Variants in ERF observed in about 807,000 individuals in gnomAD.
The protein encoded by ERF is ETS2 repressor factor.
Under a neutral mutation model 41.6 loss-of-function variants are expected in ERF, and 10 were observed. That is an observed-to-expected ratio of 0.24 (90% CI 0.15 to 0.41). ERF has a LOEUF of 0.41. Ranked by LOEUF, ERF falls within the 10% of genes least tolerant of loss-of-function variation. ERF has a pLI of 1.00. For synonymous variants in ERF, 395 were observed against 342.4 expected (o/e 1.15, Z -1.70); for missense variants, 621 against 763.2 (o/e 0.81, Z 2.19).
Position 42,248,312 on chromosome 19 carries a change from A to AT in ERF, c.*152_*153insA. 1.5e-6 allele frequency: 1 copy of AT among 654,182 alleles called. No individual in the cohort carries two copies. The highest frequency in any genetic ancestry group is 2.2e-6 in the Non-Finnish European group (1 of 457,954). 40.5% of individuals were successfully genotyped at this position (654,182 alleles called of 1,614,324 possible). A position where few individuals can be genotyped will look rare whatever the true frequency, so the allele number is the denominator to read the frequency against. On this transcript the variant is annotated 3_prime_UTR_variant, in exon 4 of 4. Transcript: ENST00000222329. This position sits in a 1 kb window ranked among gnomAD's most constrained non-coding sequence, Gnocchi z 4.2. ...CCCACCCCCACCATTTTTAAAAAAA[A>AT]GAAATTAAAGTTTTATACAAAATGT...
intron 1 of ERF, chr19:42,251,245 G>A: frequency 2.0e-6 from 2 of 985,982 alleles, no homozygotes; most frequent in Non-Finnish European, 2.4e-6. Flanking sequence ...CCAGACCCAG[G>A]CATCCAGGCC....
At chr19:42,252,348 A>G (rs1046367445) in intron 1 of ERF, among the ~76,000 whole-genome samples, 1 of 152,230 alleles carries the variant, frequency 6.6e-6, no homozygotes, top group African/African-American at 2.4e-5. Context: ...CCCTCCCCCC[A>G]AAATTAAAGC....
At chr19:42,253,122 A>AC (rs980051210) in intron 1 of ERF, among the ~76,000 whole-genome samples, 39 of 151,876 alleles carry the variant, frequency 2.6e-4, no homozygotes, top group Admixed American at 1.5e-3. Context: ...ACTCCTGGGC[A>AC]CCCCCCAACC....
chr19:42,253,886 CG>C lies in ERF; in HGVS notation c.22+1091del. On this transcript the variant is annotated intron_variant, in intron 1 of 3. Transcript: ENST00000222329. Reference sequence around the variant, plus strand: ...CCGCCGCCGCCGCCGCCGCCGCCGCCGGGGGAAGGAAACAAGTTTGAACAGC... The same window carrying C: ...CCGCCGCCGCCGCCGCCGCCGCCGCCGGGGAAGGAAACAAGTTTGAACAGC... 6 of 1,082,702 alleles carry C rather than the reference CG, an allele frequency of 5.5e-6. No homozygotes were observed. In the South Asian group the frequency reaches 1.1e-4, roughly 21 times the overall value. 67.1% of individuals were successfully genotyped at this position (1,082,702 alleles called of 1,614,324 possible).
rs754586626 is a variant in ERF, at chr19:42,249,414, C to T, written c.698G>A (p.Arg233Gln). The T allele has an allele frequency of 1.0e-5, 16 of 1,584,042 alleles. No homozygotes were observed. The highest frequency in any genetic ancestry group is 2.3e-5 in the South Asian group (2 of 87,690). The change falls in exon 4 of 4, where the codon CGA becomes CAA. Residue 233 changes from arginine (R) to glutamine (Q), a missense_variant. Physicochemically the swap from Arg to Gln is conservative, Grantham distance 43. Coordinates refer to ENST00000222329, the MANE Select transcript of ERF (RefSeq NM_006494.4). The surrounding 1 kb of genome is among the most constrained non-coding windows in gnomAD (Gnocchi z 8.6). Reference protein sequence around the residue: ...ARLPHDPGVFRVYPRPRGGPE... With the variant: ...ARLPHDPGVFQVYPRPRGGPE... Reference sequence around the variant, plus strand: ...GCCACCCCGAGGCCGGGGATAGACTCGGAAGACACCAGGGTCATGGGGCAG... The same window carrying T: ...GCCACCCCGAGGCCGGGGATAGACTTGGAAGACACCAGGGTCATGGGGCAG...
Position 42,255,055 on chromosome 19 carries a change from C to A in ERF, c.-56G>T. 7.6e-7 allele frequency: 1 copy of A among 1,323,642 alleles called. No homozygotes were observed. Among genetic ancestry groups the A allele is most frequent in the Non-Finnish European group, 9.6e-7 (1 of 1,036,452 alleles). The allele number at this position is 1,323,642 out of a possible 1,614,324, so 82.0% of individuals were successfully genotyped here. ...TCCGGGCCGCGGCTCCCGGCGCCCTCGCTGCCCCGTCCCGTCCCGCGCCCG... is the reference window on the plus strand; with the variant it reads ...TCCGGGCCGCGGCTCCCGGCGCCCTAGCTGCCCCGTCCCGTCCCGCGCCCG... On this transcript the variant is annotated 5_prime_UTR_variant, in exon 1 of 4. Coordinates refer to ENST00000222329, the MANE Select transcript of ERF (RefSeq NM_006494.4).
chr19:42,250,533 C>G lies in ERF; in HGVS notation c.55G>C (p.Glu19Gln). The G allele has an allele frequency of 1.2e-6, 2 of 1,613,588 alleles. No individual in the cohort carries two copies. Among genetic ancestry groups the G allele is most frequent in the Non-Finnish European group, 1.7e-6 (2 of 1,180,012 alleles). ...FAFPDWAYKP[E>Q]SSPGSRQIQL... ...ATCTGCCTTGAGCCAGGGGACGACT[C>G]TGGCTTGTAGGCCCAATCCGGGAAG... The change falls in exon 2 of 4, where the codon GAG becomes CAG. Residue 19 changes from glutamate (E) to glutamine (Q), a missense_variant. Physicochemically the swap from Glu to Gln is conservative, Grantham distance 29. Around this residue, in one of 3 missense-constraint regions of ERF, gnomAD observed 34 missense variants for 56.8 expected, o/e 0.60. Coordinates refer to ENST00000222329, the MANE Select transcript of ERF (RefSeq NM_006494.4). The surrounding 1 kb of genome is among the most constrained non-coding windows in gnomAD (Gnocchi z 5.1).
At chr19:42,251,147 C>A in intron 1 of ERF, 3 of 911,850 alleles carry the variant, frequency 3.3e-6, no homozygotes, top group Non-Finnish European at 3.9e-6. Flanking sequence ...CTTGCACACA[C>A]AGAGGCTTCT....
At chr19:42,251,419 G>A (rs961842140) in intron 1 of ERF, 2 of 884,864 alleles carry the variant, frequency 2.3e-6, no homozygotes, top group African/African-American at 4.1e-5. Flanking sequence ...GGGCTGGCTG[G>A]TCTCTGGAGG....
At chr19:42,253,885 CCGG>C in intron 1 of ERF, 1 of 1,083,154 alleles carries the variant, frequency 9.2e-7, no homozygotes, top group Non-Finnish European at 1.1e-6. Flanking sequence ...GCCGCCGCCG[CCGG>C]GGGAAGGAAA....
chr19:42,251,485 T>C, intron 1 of ERF: 1 of 543,388 alleles, frequency 1.8e-6, no homozygotes, highest in Non-Finnish European at 2.3e-6. Context: ...TTGTTGTCAT[T>C]TCCCAACAAC....
In ERF at chr19:42,249,977, T is replaced by A. The variant is rs1468125010; in HGVS notation, c.258-35A>T. ...CAGAAATGCCATTGGGAAGGTCAGGTACGTGGGACCCAGGTCTAGACTCCA... is the reference window on the plus strand; with the variant it reads ...CAGAAATGCCATTGGGAAGGTCAGGAACGTGGGACCCAGGTCTAGACTCCA... On this transcript the variant is annotated intron_variant, in intron 2 of 3. Transcript: ENST00000222329. The surrounding 1 kb of genome is among the most constrained non-coding windows in gnomAD (Gnocchi z 8.6). 2.5e-6 allele frequency: 4 copies of A among 1,593,850 alleles called. No homozygotes were observed. In the South Asian group the frequency reaches 4.4e-5, roughly 18 times the overall value.
chr19:42,253,864 C>G (rs954290968), intron 1 of ERF: 214 of 1,066,940 alleles, frequency 2.0e-4, no homozygotes, highest in Non-Finnish European at 2.4e-4. Flanking sequence ...GCCCGAGCCG[C>G]CGCCGCCGCC....
chr19:42,252,727 TG>T (rs112535098), intron 1 of ERF, among the ~76,000 whole-genome samples: 38 of 145,926 alleles, frequency 2.6e-4, no homozygotes, highest in South Asian at 1.8e-3. Context: ...TTCCCGGCTT[TG>T]GGGGGGGGAG....
At chr19:42,252,861 A>G (rs1457474173) in intron 1 of ERF, among the ~76,000 whole-genome samples, 1 of 152,150 alleles carries the variant, frequency 6.6e-6, no homozygotes, top group East Asian at 1.9e-4. Context: ...CCACGTGCTT[A>G]AAACAGGGAA....
intron 1 of ERF, among the ~76,000 whole-genome samples, chr19:42,253,664 C>T (rs998474418): frequency 6.6e-6 from 1 of 151,994 alleles, no homozygotes; most frequent in Non-Finnish European, 1.5e-5. Flanking sequence ...CTCCGCACCC[C>T]GGCCCCACCC....
intron 1 of ERF, chr19:42,251,298 G>A (rs2036441347): frequency 1.0e-6 from 1 of 986,148 alleles, no homozygotes; most frequent in African/African-American, 1.7e-5. Flanking sequence ...AGCTTGAGCA[G>A]GCACCCTGGA....
intron 1 of ERF, chr19:42,253,795 A>ATGGGG (rs1259946156): frequency 1.6e-5 from 12 of 761,332 alleles, no homozygotes; most frequent in South Asian, 5.8e-5. Context: ...TGGGGTGGGA[A>ATGGGG]TGGGGTGGGG....
rs76105803 is a variant in ERF at position 42,249,008 on chromosome 19, A to G, written c.1104T>C (p.Ser368=). The part of the protein sequence containing the change: ...PPVPSSASSS[S]SSSSSPFKFK... Reference sequence around the variant, plus strand: ...ACTTGAATGGGGAGGAAGAAGAAGAAGAGGATGACGAGGCCGAGGAGGGGA... The same window carrying G: ...ACTTGAATGGGGAGGAAGAAGAAGAGGAGGATGACGAGGCCGAGGAGGGGA... Residue 368 remains serine, a synonymous_variant, in exon 4 of 4, where the codon TCT becomes TCC. Transcript: ENST00000222329. This position sits in a 1 kb window ranked among gnomAD's most constrained non-coding sequence, Gnocchi z 8.6. The G allele has an allele frequency of 6.0e-3, 9,641 of 1,609,782 alleles. 428 individuals are homozygous for G. The African/African-American group carries it at 0.1, about 17-fold the overall frequency.
Sources: gnomAD v4.1 joint callset for allele counts (sites outside exome capture counted in the v4.1 genomes callset) on GRCh38, gnomAD v4.1.1 for gene constraint, gnomAD v4.1.1 regional missense constraint, Gnocchi (gnomAD v3.1) non-coding constraint, MANE v1.5 for transcripts, NCBI Gene and HGNC (gene_info 2026-07-23, HGNC 2026-07-21) for gene names.